SOX5: variants seen among roughly 807,000 people sequenced by gnomAD.
SOX5 encodes the protein transcription factor SOX-5.
In SOX5, 9 loss-of-function variants were observed where a neutral mutation model predicts 92.0. The observed-to-expected ratio is 0.10, with a 90% confidence interval of 0.06 to 0.17. The LOEUF (loss-of-function observed/expected upper bound fraction) is 0.17, where lower values mean the gene tolerates loss of function less well. Ranked by LOEUF, SOX5 falls within the 10% of genes least tolerant of loss-of-function variation. SOX5 has a pLI of 1.00. For synonymous variants in SOX5, 344 were observed against 336.3 expected, an observed-to-expected ratio of 1.02 and a Z score of -0.25; for missense variants, 642 against 944.5, an observed-to-expected ratio of 0.68 and a Z score of 4.20.
At chr12:23,793,669 G>A (rs2095515180) in intron 3 of SOX5, among the ~76,000 whole-genome samples, 2 of 152,150 alleles carry the variant, frequency 1.3e-5, no homozygotes, top group Non-Finnish European at 2.9e-5. Context: ...AAGAAGCCAG[G>A]TTCCGAACTT....
At chr12:23,686,462 G>A (rs2087605510) in intron 6 of SOX5, among the ~76,000 whole-genome samples, 1 of 152,132 alleles carries the variant, frequency 6.6e-6, no homozygotes, top group Non-Finnish European at 1.5e-5. Flanking sequence ...ACTAAAAACT[G>A]AAACAAATAG....
chr12:23,850,178 C>G (rs1185761302), intron 2 of SOX5, among the ~76,000 whole-genome samples: 1 of 152,046 alleles, frequency 6.6e-6, no homozygotes, highest in Non-Finnish European at 1.5e-5. Context: ...CTCCTGTAAT[C>G]CCAGCACTTT....
At chr12:24,398,403 C>A (rs910790573) in intron 1 of SOX5, among the ~76,000 whole-genome samples, 4 of 152,100 alleles carry the variant, frequency 2.6e-5, no homozygotes, top group African/African-American at 9.7e-5. Context: ...ACTCGAGAGG[C>A]TGAGGTGGGA....
At chr12:24,241,082 A>G (rs1965474183) in intron 3 of SOX5, among the ~76,000 whole-genome samples, 1 of 147,858 alleles carries the variant, frequency 6.8e-6, no homozygotes, top group African/African-American at 2.5e-5. Flanking sequence ...CTAGAAGAGT[A>G]GAGAAGGCCT....
rs369185248 is a variant in SOX5, at chr12:23,741,378, A to G, written c.569-339T>C. Among the ~76,000 whole-genome samples, 319 of 152,262 alleles carry G rather than the reference A, an allele frequency of 2.1e-3. 2 individuals are homozygous for G. The Middle Eastern group carries it at 0.031, about 15-fold the overall frequency. On this transcript the variant is annotated intron_variant, in intron 4 of 14. Coordinates refer to ENST00000451604, the MANE Select transcript of SOX5 (RefSeq NM_006940.6). ...TTTTACTTTATAAGTAAATTTTAAA[A>G]ATAATGTTGGCTGAACATCTACTGT... is the stretch of plus-strand genomic sequence containing the variant.
chr12:23,986,290 G>A (rs1461256847), intron 4 of SOX5, among the ~76,000 whole-genome samples: 1 of 151,966 alleles, frequency 6.6e-6, no homozygotes, highest in African/African-American at 2.4e-5. Flanking sequence ...AGGTTTTCAT[G>A]GAATCTCAGG....
chr12:23,787,561 C>A (rs550261277), intron 3 of SOX5, among the ~76,000 whole-genome samples: 57 of 152,026 alleles, frequency 3.7e-4, no homozygotes, highest in African/African-American at 1.3e-3. Context: ...ATATCAATAG[C>A]AACTTCATTA....
intron 2 of SOX5, among the ~76,000 whole-genome samples, chr12:24,285,299 T>A (rs578309): frequency 6.6e-6 from 1 of 152,076 alleles, no homozygotes; most frequent in African/African-American, 2.4e-5. Flanking sequence ...GTCAAGACTT[T>A]GTAAAGCATG....
chr12:23,596,040 T>C (rs1031875161), intron 9 of SOX5, among the ~76,000 whole-genome samples: 1 of 152,216 alleles, frequency 6.6e-6, no homozygotes, highest in African/African-American at 2.4e-5. Flanking sequence ...GACTGGGTTA[T>C]TGTGTCTTGG....
intron 4 of SOX5, among the ~76,000 whole-genome samples, chr12:24,119,813 C>T (rs1948433830): frequency 6.6e-6 from 1 of 152,114 alleles, no homozygotes; most frequent in African/African-American, 2.4e-5. Context: ...ACCAGCACCC[C>T]AAAAGCCTCT....
chr12:23,918,170 T>C (rs943502611), intron 1 of SOX5, among the ~76,000 whole-genome samples: 2 of 152,232 alleles, frequency 1.3e-5, no homozygotes, highest in African/African-American at 2.4e-5. Flanking sequence ...GAATATTATA[T>C]GCATGTTTTA....
intron 8 of SOX5, among the ~76,000 whole-genome samples, chr12:23,622,891 T>A (rs890455693): frequency 9.2e-5 from 14 of 152,134 alleles, no homozygotes; most frequent in Non-Finnish European, 1.5e-5. Context: ...ATTTTAGCCA[T>A]TAAAAATAAA....
chr12:24,424,339 C>A (rs531992326), intron 1 of SOX5, among the ~76,000 whole-genome samples: 1 of 152,084 alleles, frequency 6.6e-6, no homozygotes, highest in East Asian at 1.9e-4. Context: ...ACAAAACAGT[C>A]GATATTTTAT....
intron 8 of SOX5, among the ~76,000 whole-genome samples, chr12:23,625,027 GAATGA>G (rs143996720): frequency 0.021 from 3,126 of 152,260 alleles, 49 homozygotes; most frequent in Middle Eastern, 0.044. Context: ...TGCGTATAAA[GAATGA>G]ATAGCAAATG....
At chr12:23,927,756 T>C (rs2139080324) in intron 1 of SOX5, among the ~76,000 whole-genome samples, 1 of 152,172 alleles carries the variant, frequency 6.6e-6, no homozygotes, top group Non-Finnish European at 1.5e-5. Flanking sequence ...CACTTTGTCT[T>C]CAAGAACCAT....
chr12:24,123,051 G>A (rs1948782903), intron 4 of SOX5, among the ~76,000 whole-genome samples: 1 of 152,224 alleles, frequency 6.6e-6, no homozygotes, highest in African/African-American at 2.4e-5. Flanking sequence ...CTGAAGGAGA[G>A]CAGAACAGTC....
rs953941380 is a variant in SOX5 at position 24,393,651 on chromosome 12, C to T, written c.-250-25012G>A. ...ACGGATTACGCTTTAAGACATGGCC[C>T]TTGTCATGGAAACTAGTGCTTAATG... is the stretch of plus-strand genomic sequence containing the variant. On this transcript the variant is annotated intron_variant, in intron 1 of 4. Coordinates refer to the SOX5 transcript ENST00000446891. The surrounding 1 kb of genome is among the most constrained non-coding windows in gnomAD (Gnocchi z 5.0). 6.6e-6 allele frequency among the ~76,000 whole-genome samples: 1 copy of T among 152,082 alleles called. No homozygotes were observed. Among genetic ancestry groups the T allele is most frequent in the African/African-American group, 2.4e-5 (1 of 41,408 alleles).
intron 4 of SOX5, among the ~76,000 whole-genome samples, chr12:24,159,411 A>AT (rs1483689460): frequency 6.6e-6 from 1 of 152,018 alleles, no homozygotes; most frequent in Non-Finnish European, 1.5e-5. Context: ...AAAAATATTT[A>AT]TTTTGTAACA....
intron 1 of SOX5, chr12:23,944,369 A>AC (rs1944190688): frequency 6.6e-6 from 1 of 151,684 alleles, no homozygotes; most frequent in South Asian, 2.1e-4. Context: ...GAAATGCAAC[A>AC]CCCCCCTATT....
Sources: allele counts gnomAD v4.1 joint callset (sites outside exome capture counted in the v4.1 genomes callset), GRCh38; gene constraint gnomAD v4.1.1; non-coding constraint Gnocchi (gnomAD v3.1); transcripts MANE v1.5; gene names NCBI Gene and HGNC (gene_info 2026-07-23, HGNC 2026-07-21).